KLHL1: variants seen among roughly 807,000 people sequenced by gnomAD.
The protein encoded by KLHL1 is kelch like family member 1.
In KLHL1, 47 loss-of-function variants were observed where a neutral mutation model predicts 77.7. That is an observed-to-expected ratio of 0.60 (90% CI 0.48 to 0.77). KLHL1 has a LOEUF of 0.77. Among genes scored for constraint, KLHL1 ranks in the 30% least tolerant of loss-of-function variants. KLHL1 has a pLI of 0.00. For missense variants in KLHL1, 925 were observed against 910.8 expected (o/e 1.02, Z -0.20); for synonymous variants, 360 against 325.2 (o/e 1.11, Z -1.15).
chr13:69,869,758 T>C (rs890201787), intron 5 of KLHL1, among the ~76,000 whole-genome samples: 2 of 152,164 alleles, frequency 1.3e-5, no homozygotes, highest in Non-Finnish European at 2.9e-5. Flanking sequence ...TGTGAGAAAA[T>C]TTAACCTACT....
At chr13:70,089,117 A>C (rs1387285605) in intron 1 of KLHL1, among the ~76,000 whole-genome samples, 1 of 152,184 alleles carries the variant, frequency 6.6e-6, no homozygotes, top group Non-Finnish European at 1.5e-5. Flanking sequence ...AATCAACATA[A>C]GAATGGGTGG....
chr13:69,810,013 C>T (rs1420883046), intron 6 of KLHL1, among the ~76,000 whole-genome samples: 3 of 151,952 alleles, frequency 2.0e-5, no homozygotes, highest in Non-Finnish European at 4.4e-5. Context: ...AATATATATG[C>T]CCCCAACATT....
intron 4 of KLHL1, among the ~76,000 whole-genome samples, chr13:69,916,018 T>G (rs1439421571): frequency 2.6e-5 from 4 of 152,098 alleles, no homozygotes; most frequent in Non-Finnish European, 5.9e-5. Flanking sequence ...ATCAGAGAGA[T>G]GCAAATCAAA....
intron 7 of KLHL1, among the ~76,000 whole-genome samples, chr13:69,788,911 T>C: frequency 6.6e-6 from 1 of 152,240 alleles, no homozygotes; most frequent in Non-Finnish European, 1.5e-5. Context: ...CTAATGATAT[T>C]ACAATGGCTA....
chr13:69,745,634 A>C (rs1432363153), intron 7 of KLHL1, among the ~76,000 whole-genome samples: 1 of 151,940 alleles, frequency 6.6e-6, no homozygotes, highest in African/African-American at 2.4e-5. Context: ...GATGGATCAT[A>C]GGATTAAATA....
chr13:69,744,408 G>A (rs1482544174), intron 7 of KLHL1, among the ~76,000 whole-genome samples: 2 of 151,922 alleles, frequency 1.3e-5, no homozygotes, highest in African/African-American at 4.8e-5. Context: ...GATATATCCT[G>A]TAAACATCAT....
At chr13:70,072,016 G>A (rs1887148940) in intron 1 of KLHL1, among the ~76,000 whole-genome samples, 1 of 151,924 alleles carries the variant, frequency 6.6e-6, no homozygotes, top group Admixed American at 6.6e-5. Flanking sequence ...GAAGATCAAA[G>A]AAACCAAAAG....
At chr13:70,008,373 A>G (rs1885454218) in intron 1 of KLHL1, among the ~76,000 whole-genome samples, 1 of 152,166 alleles carries the variant, frequency 6.6e-6, no homozygotes, top group South Asian at 2.1e-4. Flanking sequence ...GCCTTGGGCC[A>G]TATCTTTTCA....
chr13:69,982,426 A>G (rs962599906), intron 1 of KLHL1, among the ~76,000 whole-genome samples: 3 of 143,110 alleles, frequency 2.1e-5, no homozygotes, highest in African/African-American at 7.6e-5. Context: ...ACAGAGCAAG[A>G]CTCCATCTCC....
chr13:69,894,383 CA>C, intron 4 of KLHL1: 1 of 157,486 alleles, frequency 6.3e-6, no homozygotes, highest in Non-Finnish European at 1.4e-5. Flanking sequence ...GCGCTAGCTC[CA>C]AAATTTCTAT....
intron 8 of KLHL1, among the ~76,000 whole-genome samples, chr13:69,725,965 C>T (rs375316223): frequency 1.4e-4 from 21 of 152,196 alleles, no homozygotes; most frequent in African/African-American, 5.1e-4. Flanking sequence ...GTTATGTCTA[C>T]TCATCTCTCA....
intron 2 of KLHL1, among the ~76,000 whole-genome samples, chr13:69,964,012 CA>C (rs1213665838): frequency 2.0e-5 from 3 of 151,620 alleles, no homozygotes; most frequent in African/African-American, 7.3e-5. Context: ...ATTTCATTAT[CA>C]ATTAGGCACC....
intron 7 of KLHL1, among the ~76,000 whole-genome samples, chr13:69,770,258 G>T (rs1242106397): frequency 6.6e-6 from 1 of 152,164 alleles, no homozygotes; most frequent in Non-Finnish European, 1.5e-5. Flanking sequence ...AGAACCCAAG[G>T]TGATCACAGA....
intron 1 of KLHL1, among the ~76,000 whole-genome samples, chr13:70,090,778 G>A (rs1172031826): frequency 1.3e-5 from 2 of 152,068 alleles, no homozygotes; most frequent in Non-Finnish European, 2.9e-5. Context: ...TTGAATAAAT[G>A]GAATATCAAG....
intron 4 of KLHL1, among the ~76,000 whole-genome samples, chr13:69,900,621 G>A (rs1881820940): frequency 1.3e-5 from 2 of 152,256 alleles, no homozygotes; most frequent in East Asian, 1.9e-4. Flanking sequence ...ACTGCACTAG[G>A]ATCCAGAATA....
chr13:69,895,881 AT>A (rs1881619810), intron 4 of KLHL1, among the ~76,000 whole-genome samples: 4 of 151,706 alleles, frequency 2.6e-5, no homozygotes, highest in African/African-American at 9.7e-5. Context: ...TAATTATTGT[AT>A]TTTTTAGTAG....
intron 6 of KLHL1, among the ~76,000 whole-genome samples, chr13:69,833,946 G>C (rs569303831): frequency 1.3e-5 from 2 of 151,868 alleles, no homozygotes; most frequent in East Asian, 3.9e-4. Context: ...AACCTGGATG[G>C]AGTTAAAGAC....
At chr13:69,893,753 T>C (rs1881523700) in intron 4 of KLHL1, among the ~76,000 whole-genome samples, 1 of 152,200 alleles carries the variant, frequency 6.6e-6, no homozygotes, top group African/African-American at 2.4e-5. Context: ...ACCTCACATT[T>C]TCATCCTGGA....
At chr13:69,924,866 A>C (rs564270506) in intron 4 of KLHL1, among the ~76,000 whole-genome samples, 1 of 152,292 alleles carries the variant, frequency 6.6e-6, no homozygotes. Flanking sequence ...CAGCTGTGGA[A>C]GCTGTTTGTG....
Sources: gnomAD v4.1 joint callset for allele counts (sites outside exome capture counted in the v4.1 genomes callset) on GRCh38, gnomAD v4.1.1 for gene constraint, MANE v1.5 for transcripts, NCBI Gene and HGNC (gene_info 2026-07-23, HGNC 2026-07-21) for gene names.